The following AVL9 variants were observed in gnomAD, a reference collection of about 807,000 sequenced individuals.
AVL9 encodes the protein AVL9 cell migration associated, also known as late secretory pathway protein AVL9 homolog.
Under a neutral mutation model 79.2 loss-of-function variants are expected in AVL9, and 49 were observed. That is an observed-to-expected ratio of 0.62 (90% CI 0.49 to 0.79). The LOEUF (loss-of-function observed/expected upper bound fraction) is 0.79, where lower values mean the gene tolerates loss of function less well. AVL9 is among the 30% of genes least tolerant of loss of function. AVL9 has a pLI of 0.00. For synonymous variants in AVL9, 299 were observed against 280.6 expected (o/e 1.07, Z -0.65); for missense variants, 682 against 776.8 (o/e 0.88, Z 1.45).
At chr7:32,570,275 T>C (rs1443148107) in intron 11 of AVL9, 121 bp downstream of exon 11, 5 of 1,315,560 alleles carry the variant, frequency 3.8e-6, no homozygotes, top group African/African-American at 2.9e-5. Context: ...CTGTATGCCA[T>C]GTATTCTAAG....
At chr7:32,577,997 A>T (rs1448748397) in intron 13 of AVL9, among the ~76,000 whole-genome samples, 1 of 152,156 alleles carries the variant, frequency 6.6e-6, no homozygotes, top group African/African-American at 2.4e-5. Context: ...GGGTGATTGG[A>T]CTGTGTACCC....
chr7:32,499,630 C>T (rs571227758), intron 1 of AVL9, among the ~76,000 whole-genome samples: 6 of 151,874 alleles, frequency 4.0e-5, no homozygotes, highest in East Asian at 1.9e-4. Context: ...GCGAAACATT[C>T]GGGTTTGTTA....
chr7:32,572,822 A>T (rs2128150264), intron 11 of AVL9, among the ~76,000 whole-genome samples: 1 of 138,692 alleles, frequency 7.2e-6, no homozygotes, highest in East Asian at 2.2e-4. Context: ...AAAAAAGAAT[A>T]TTCTAAAGTA....
At chr7:32,547,590 C>A (rs1004382629) in intron 3 of AVL9, among the ~76,000 whole-genome samples, 1 of 152,200 alleles carries the variant, frequency 6.6e-6, no homozygotes, top group Non-Finnish European at 1.5e-5. Context: ...CCTGTCTCCC[C>A]ACTCCCTGGT....
At chr7:32,523,342 A>G (rs1463451841) in intron 1 of AVL9, among the ~76,000 whole-genome samples, 1 of 151,774 alleles carries the variant, frequency 6.6e-6, no homozygotes, top group Non-Finnish European at 1.5e-5. Context: ...AGGCCAATTA[A>G]GATGAAAATT....
At chr7:32,519,925 T>TGA (rs904321693) in intron 1 of AVL9, among the ~76,000 whole-genome samples, 19 of 151,962 alleles carry the variant, frequency 1.3e-4, no homozygotes, top group African/African-American at 4.4e-4. Flanking sequence ...TGTGGAAGTG[T>TGA]GAGAGAGAGA....
intron 1 of AVL9, among the ~76,000 whole-genome samples, chr7:32,519,309 TC>T (rs1788040287): frequency 2.0e-5 from 3 of 151,862 alleles, no homozygotes; most frequent in African/African-American, 7.2e-5. Context: ...GCACCTGTAA[TC>T]CCAGCTACTC....
chr7:32,548,144 C>CTCTCTCTTTTTTTTTTTTTTTTTTTT (rs1227025763), intron 3 of AVL9, among the ~76,000 whole-genome samples: 1 of 57,598 alleles, frequency 1.7e-5, no homozygotes, highest in African/African-American at 5.4e-5. Context: ...TTTGTCATCT[C>CTCTCTCTTTTTTTTTTTTTTTTTTTT]TTTTTTCTTT....
chr7:32,539,389 TAAACTA>T (rs1400496760), intron 1 of AVL9: 1 of 152,254 alleles, frequency 6.6e-6, no homozygotes, highest in African/African-American at 2.4e-5. Context: ...AACCTATTCT[TAAACTA>T]AGAATGCTTT....
chr7:32,512,919 C>G (rs936502317), intron 1 of AVL9, among the ~76,000 whole-genome samples: 2 of 138,820 alleles, frequency 1.4e-5, no homozygotes, highest in African/African-American at 5.1e-5. Flanking sequence ...ACTGACTCCT[C>G]TTGTTTCATA....
At chr7:32,583,224 C>T (rs553483557) in intron 15 of AVL9, among the ~76,000 whole-genome samples, 1 of 152,284 alleles carries the variant, frequency 6.6e-6, no homozygotes, top group South Asian at 2.1e-4. Flanking sequence ...GTGTTGCTAG[C>T]ACTGAGGGTA....
At chr7:32,501,753 A>G (rs1285138398) in intron 1 of AVL9, among the ~76,000 whole-genome samples, 1 of 152,198 alleles carries the variant, frequency 6.6e-6, no homozygotes, top group Non-Finnish European at 1.5e-5. Flanking sequence ...GATCCCTAGT[A>G]AAATACTTAT....
Position 32,503,373 on chromosome 7 carries a change from T to TACACAC in AVL9, c.93+7599_93+7604dup, listed in dbSNP as rs1185553909. Among the ~76,000 whole-genome samples the TACACAC allele has an allele frequency of 3.0e-3, 321 of 105,802 alleles. 6 individuals are homozygous for TACACAC. Among genetic ancestry groups the TACACAC allele is most frequent in the African/African-American group, 0.011 (308 of 28,232 alleles). The allele number at this position is 105,802 out of a possible 152,430, so 69.4% of individuals were successfully genotyped here. Reference sequence around the variant, plus strand: ...ATAGATATAGAGAGATATATATATATACACACACACACACACACACACACA... The same window carrying TACACAC: ...ATAGATATAGAGAGATATATATATATACACACACACACACACACACACACACACACA... On this transcript the variant is annotated intron_variant, in intron 1 of 15. Transcript: ENST00000318709.
At chr7:32,510,187 A>C (rs1386761440) in intron 1 of AVL9, among the ~76,000 whole-genome samples, 1 of 151,578 alleles carries the variant, frequency 6.6e-6, no homozygotes, top group Non-Finnish European at 1.5e-5. Context: ...GAGCGAGCCC[A>C]TCTCTCCAGG....
chr7:32,579,580 ATT>A (rs376227117), intron 13 of AVL9, among the ~76,000 whole-genome samples: 827 of 14,528 alleles, frequency 0.057, 346 homozygotes, highest in Middle Eastern at 0.19. Context: ...TATATTATAT[ATT>A]ATATATTATA....
chr7:32,526,099 G>C (rs930558344), intron 1 of AVL9, among the ~76,000 whole-genome samples: 1 of 152,072 alleles, frequency 6.6e-6, no homozygotes, highest in African/African-American at 2.4e-5. Context: ...CTCTGCAAAC[G>C]GCATGGACTT....
rs943651390 is a variant in AVL9, at chr7:32,584,061, C to T, written c.*154C>T. 5 of 700,576 alleles carry T rather than the reference C, an allele frequency of 7.1e-6. No individual in the cohort carries two copies. Among genetic ancestry groups the T allele is most frequent in the East Asian group, 2.7e-5 (1 of 36,412 alleles). The allele number at this position is 700,576 out of a possible 1,614,324, so 43.4% of individuals were successfully genotyped here. ...GCTCTAAGTGAATGTTTCGGGATGC[C>T]GAAATGATGAAATCACAGCCATAGC... On this transcript the variant is annotated 3_prime_UTR_variant, in exon 16 of 16. Transcript: ENST00000318709.
At chr7:32,532,659 G>T (rs1788715307) in intron 1 of AVL9, 1 of 152,060 alleles carries the variant, frequency 6.6e-6, no homozygotes, top group South Asian at 2.1e-4. Context: ...TAATTCTAGG[G>T]AAAAAATAGA....
intron 8 of AVL9, among the ~76,000 whole-genome samples, chr7:32,557,586 G>T (rs1343164517): frequency 6.6e-6 from 1 of 152,156 alleles, no homozygotes; most frequent in South Asian, 2.1e-4. Context: ...TCCTACACAG[G>T]TAGTGGTGTG....
Sources: gnomAD v4.1 joint callset for allele counts (sites outside exome capture counted in the v4.1 genomes callset) on GRCh38, gnomAD v4.1.1 for gene constraint, MANE v1.5 for transcripts, NCBI Gene and HGNC (gene_info 2026-07-23, HGNC 2026-07-21) for gene names.